KHSRP: variants seen among roughly 807,000 people sequenced by gnomAD.
The protein encoded by KHSRP is far upstream element-binding protein 2.
In KHSRP, 13 loss-of-function variants were observed where a neutral mutation model predicts 94.9. The observed-to-expected ratio is 0.14, with a 90% CI of 0.09 to 0.22. The LOEUF is 0.22. KHSRP is among the 10% of genes least tolerant of loss of function. The pLI is 1.00. For missense variants in KHSRP, 710 were observed against 1,010.0 expected, an observed-to-expected ratio of 0.70 and a Z score of 4.03; for synonymous variants, 495 against 401.4, an observed-to-expected ratio of 1.23 and a Z score of -2.79.
In KHSRP at chr19:6,418,128, C is replaced by T; in HGVS notation, c.880-49G>A. ...CCCATGGGTGAGCCCTGCTGCCCCACACCCCCCCACCTCCTCGGGGGTGCG... is the reference window on the plus strand; with the variant it reads ...CCCATGGGTGAGCCCTGCTGCCCCATACCCCCCCACCTCCTCGGGGGTGCG... On this transcript the variant is annotated intron_variant, in intron 9 of 18. Transcript: ENST00000600480. The surrounding 1 kb of genome is among the most constrained non-coding windows in gnomAD (Gnocchi z 4.3). 1.3e-6 allele frequency: 2 copies of T among 1,530,482 alleles called. No homozygotes were observed. The highest frequency in any genetic ancestry group is 1.8e-6 in the Non-Finnish European group (2 of 1,106,426). The allele number at this position is 1,530,482 out of a possible 1,614,324, so 94.8% of individuals were successfully genotyped here.
Position 6,414,186 on chromosome 19 carries a change from G to T in KHSRP, c.*838C>A, listed in dbSNP as rs757003676. 6.4e-7 allele frequency: 1 copy of T among 1,574,054 alleles called. No individual in the cohort carries two copies. Among genetic ancestry groups the T allele is most frequent in the African/African-American group, 1.4e-5 (1 of 73,098 alleles). ...GGGAAGGGTGGGAGACTAGGGGGCG[G>T]AAGAGAGGAGGGGCTGGAACACCGT... On this transcript the variant is annotated 3_prime_UTR_variant, in exon 19 of 19. Coordinates refer to ENST00000600480, the MANE Select transcript of KHSRP (RefSeq NM_001366299.1).
chr19:6,416,332 G>A lies in KHSRP; in HGVS notation c.1564C>T (p.Pro522Ser), dbSNP rs1171141148. ...AGPMGPFNPGPFNQGPPGAPP... is the reference protein window; with the variant it reads ...AGPMGPFNPGSFNQGPPGAPP... ...GCCCCGGGTGGCCCCTGGTTGAAGG[G>A]CCCAGGATTGAAGGGCCCCATTGGG... Residue 522 changes from proline to serine, a missense_variant, in exon 15 of 19, where the codon CCC (proline) becomes TCC (serine). By Grantham distance (74) the Pro-to-Ser change is moderately conservative (BLOSUM62 -1). Around this residue, in one of 5 missense-constraint regions of KHSRP, gnomAD observed 292 missense variants for 340.5 expected, o/e 0.86. Transcript: ENST00000600480. 6.2e-7 allele frequency: 1 copy of A among 1,607,628 alleles called. No individual in the cohort carries two copies. The highest frequency in any genetic ancestry group is 8.5e-7 in the Non-Finnish European group (1 of 1,178,292).
At chr19:6,415,926 C>A in intron 15 of KHSRP, 30 bp from the exon 16 acceptor site, 1 of 1,405,224 alleles carries the variant, frequency 7.1e-7, no homozygotes, top group African/African-American at 1.4e-5. Flanking sequence ...GATGCTTGAG[C>A]AGTGGTGCGG....
rs1285777481 is a variant in KHSRP, at chr19:6,414,837, C to T, written c.*187G>A. ...TCCGCGCTGTCTGCCTGCCCCCCGA[C>T]TCCCCAGCAGTTCAGAAGTCCCGCC... On this transcript the variant is annotated 3_prime_UTR_variant, in exon 19 of 19. Transcript: ENST00000600480. The T allele has an allele frequency of 3.9e-5, 49 of 1,249,688 alleles. No individual in the cohort carries two copies. Among genetic ancestry groups the T allele is most frequent in the Non-Finnish European group, 4.8e-5 (48 of 994,906 alleles). 77.4% of individuals were successfully genotyped at this position (1,249,688 alleles called of 1,614,324 possible). A position where few individuals can be genotyped will look rare whatever the true frequency, so the allele number is the denominator to read the frequency against.
Position 6,422,431 on chromosome 19 carries a change from T to G in KHSRP, c.255A>C (p.Ala85=), listed in dbSNP as rs1404485746. The G allele has an allele frequency of 6.2e-7, 1 of 1,613,220 alleles. No individual in the cohort carries two copies. Among genetic ancestry groups the G allele is most frequent in the Admixed American group, 1.7e-5 (1 of 60,030 alleles). ...ADAVQRARQI[A]AKIGGDAATT... ...TGGCAGCATCGCCTCCAATTTTGGC[T>G]GCAATCTAGAATAAAGTAGTAAGCA... The change falls in exon 2 of 19, where the codon GCA becomes GCC. Residue 85 remains alanine (A), a synonymous_variant. Coordinates refer to ENST00000600480, the MANE Select transcript of KHSRP (RefSeq NM_001366299.1).
In KHSRP at chr19:6,421,326, A is replaced by G. The variant is rs754525431; in HGVS notation, c.386-9T>C. 24 of 1,585,594 alleles carry G rather than the reference A, an allele frequency of 1.5e-5. No homozygotes were observed. In the South Asian group the frequency reaches 2.7e-4, roughly 18 times the overall value. ...AAGTTGAGAACTGATTGCTGTAGAG[A>G]GAAAACCCAAAGCAAAGACTGGCTT... is the stretch of plus-strand genomic sequence containing the variant. On this transcript the variant is annotated splice_polypyrimidine_tract_variant and intron_variant, in intron 3 of 18. Transcript: ENST00000600480.
Position 6,424,578 on chromosome 19 carries a change from C to T in KHSRP, c.124G>A (p.Gly42Ser), listed in dbSNP as rs1203578568. 17 of 959,868 alleles carry T rather than the reference C, an allele frequency of 1.8e-5. No individual in the cohort carries two copies. The highest frequency in any genetic ancestry group is 2.1e-5 in the Non-Finnish European group (17 of 810,592). 59.5% of individuals were successfully genotyped at this position (959,868 alleles called of 1,614,324 possible). The change falls in exon 1 of 19, where the codon GGC becomes AGC. Residue 42 changes from glycine (G) to serine (S), a missense_variant. Gly to Ser is a moderately conservative substitution (Grantham distance 56). Coordinates refer to ENST00000600480, the MANE Select transcript of KHSRP (RefSeq NM_001366299.1). ...PGPPGAGDRG[G>S]GGPGGGGPGG... is the part of the protein sequence containing the mutation. ...GGGCCGCCGCCGCCGGGACCGCCGC[C>T]GCCCCGGTCCCCCGCGCCTGGCGGG...
rs752195156 is a variant in KHSRP at position 6,421,697 on chromosome 19, G to C, written c.347-9C>G. On this transcript the variant is annotated splice_polypyrimidine_tract_variant and intron_variant, in intron 2 of 18. Coordinates refer to ENST00000600480, the MANE Select transcript of KHSRP (RefSeq NM_001366299.1). Reference sequence around the variant, plus strand: ...CTTGCTCTCCGGTTGATCTGGGAAAGAGAGAGGATGGCAGATGCAGCACCC... The same window carrying C: ...CTTGCTCTCCGGTTGATCTGGGAAACAGAGAGGATGGCAGATGCAGCACCC... 1 of 1,613,834 alleles carries C rather than the reference G, an allele frequency of 6.2e-7. No homozygotes were observed. The highest frequency in any genetic ancestry group is 8.5e-7 in the Non-Finnish European group (1 of 1,179,840).
chr19:6,423,017 T>C (rs373967009), intron 1 of KHSRP, among the ~76,000 whole-genome samples: 4 of 152,226 alleles, frequency 2.6e-5, no homozygotes, highest in Non-Finnish European at 4.4e-5. Flanking sequence ...CTGTGACTTA[T>C]GCCTGTAATC....
chr19:6,417,225 G>A (rs1161505544), intron 11 of KHSRP, 138 bp from the exon 12 acceptor site: 9 of 688,288 alleles, frequency 1.3e-5, no homozygotes, highest in South Asian at 2.0e-5. Flanking sequence ...GCCTCCACTC[G>A]CTCAGGGATT....
At chr19:6,417,936 T>A in intron 10 of KHSRP, 45 bp downstream of exon 10, 1 of 1,600,084 alleles carries the variant, frequency 6.2e-7, no homozygotes, top group Non-Finnish European at 8.6e-7. Context: ...GGCCCCTCCC[T>A]CCACTGGCGG....
In KHSRP at chr19:6,418,312, C is replaced by T. The variant is rs2092168544; in HGVS notation, c.879+171G>A. On this transcript the variant is annotated intron_variant, in intron 9 of 18. Transcript: ENST00000600480. The surrounding 1 kb of genome is among the most constrained non-coding windows in gnomAD (Gnocchi z 4.3). ...AGGCCGGTGCCTCACACACACAAAG[C>T]TGGGAGTCAGTTCAGGGCCATCCTA... Among the ~76,000 whole-genome samples the T allele has an allele frequency of 6.6e-6, 1 of 152,176 alleles. No homozygotes were observed. The highest frequency in any genetic ancestry group is 2.1e-4 in the South Asian group (1 of 4,830).
chr19:6,420,014 GA>G, intron 6 of KHSRP, 58 bp downstream of exon 6: 1 of 1,307,658 alleles, frequency 7.6e-7, no homozygotes, highest in Non-Finnish European at 1.1e-6. Flanking sequence ...GTAATTAAAG[GA>G]AAGTGCAAAG....
Position 6,413,179 on chromosome 19 carries a change from C to T in KHSRP, c.*1845G>A, listed in dbSNP as rs2092111774. Reference sequence around the variant, plus strand: ...GCACGGTTAGGAAAGCACATTGAGCCTGAAGAAAACTATTTTATATTTTTC... The same window carrying T: ...GCACGGTTAGGAAAGCACATTGAGCTTGAAGAAAACTATTTTATATTTTTC... On this transcript the variant is annotated 3_prime_UTR_variant, in exon 19 of 19. Coordinates refer to ENST00000600480, the MANE Select transcript of KHSRP (RefSeq NM_001366299.1). Among the ~76,000 whole-genome samples, 1 of 148,392 alleles carries T rather than the reference C, an allele frequency of 6.7e-6. No individual in the cohort carries two copies. Among genetic ancestry groups the T allele is most frequent in the Non-Finnish European group, 1.5e-5 (1 of 67,448 alleles).
intron 1 of KHSRP, among the ~76,000 whole-genome samples, chr19:6,423,355 A>AGTT (rs1189828144): frequency 6.6e-6 from 1 of 152,222 alleles, no homozygotes; most frequent in Non-Finnish European, 1.5e-5. Flanking sequence ...GCAACTTTAA[A>AGTT]GAAACCTCAA....
chr19:6,415,525 C>A lies in KHSRP; in HGVS notation c.1888+9G>T, dbSNP rs1340311776. On this transcript the variant is annotated intron_variant, in intron 17 of 18. Transcript: ENST00000600480. ...GGGCTGGAGCCCCCCCGCCACCCTG[C>A]AGACTCACCGATCTTTTTGTAATAC... The A allele has an allele frequency of 1.3e-6, 2 of 1,545,330 alleles. No individual in the cohort carries two copies. The highest frequency in any genetic ancestry group is 8.7e-7 in the Non-Finnish European group (1 of 1,144,358).
At chr19:6,421,622 T>G (rs1454114719) in intron 3 of KHSRP, 28 bp downstream of exon 3, 1 of 1,613,094 alleles carries the variant, frequency 6.2e-7, no homozygotes, top group Non-Finnish European at 8.5e-7. Context: ...TGAAGCCACA[T>G]ATCTGCCACC....
In KHSRP at chr19:6,418,135, C is replaced by T. The variant is rs897593188; in HGVS notation, c.880-56G>A. ...GTGAGCCCTGCTGCCCCACACCCCC[C>T]CACCTCCTCGGGGGTGCGGGCCTCA... On this transcript the variant is annotated intron_variant, in intron 9 of 18. Transcript: ENST00000600480. This position sits in a 1 kb window ranked among gnomAD's most constrained non-coding sequence, Gnocchi z 4.3. The T allele has an allele frequency of 6.0e-6, 9 of 1,496,000 alleles. No homozygotes were observed. The highest frequency in any genetic ancestry group is 1.4e-5 in the African/African-American group (1 of 72,600). The allele number at this position is 1,496,000 out of a possible 1,614,324, so 92.7% of individuals were successfully genotyped here.
rs530410859 is a variant in KHSRP at position 6,416,041 on chromosome 19, A to G, written c.1599-145T>C. On this transcript the variant is annotated intron_variant, in intron 15 of 18. Transcript: ENST00000600480. ...CGGGGCGCCTGGGAAAGGCCTAGAC[A>G]AGAAGCAACTCGAAGGACGCGCAGC... The G allele has an allele frequency of 3.2e-5, 21 of 659,526 alleles. No individual in the cohort carries two copies. The African/African-American group carries it at 3.9e-4, about 12-fold the overall frequency. The allele number at this position is 659,526 out of a possible 1,614,324, so 40.9% of individuals were successfully genotyped here. A position where few individuals can be genotyped will look rare whatever the true frequency, so the allele number is the denominator to read the frequency against.
Sources: gnomAD v4.1 joint callset for allele counts (sites outside exome capture counted in the v4.1 genomes callset) on GRCh38, gnomAD v4.1.1 for gene constraint, gnomAD v4.1.1 regional missense constraint, Gnocchi (gnomAD v3.1) non-coding constraint, MANE v1.5 for transcripts, NCBI Gene and HGNC (gene_info 2026-07-23, HGNC 2026-07-21) for gene names.